KCNT2: variants seen among roughly 807,000 people sequenced by gnomAD.
KCNT2 encodes the protein potassium channel subfamily T member 2.
KCNT2 carries 67 observed loss-of-function variants against 153.8 expected under a neutral mutation model. The observed-to-expected ratio is 0.44, with a 90% CI of 0.36 to 0.53. The LOEUF (loss-of-function observed/expected upper bound fraction) is 0.53, where lower values mean the gene tolerates loss of function less well. Ranked by LOEUF, KCNT2 falls within the 20% of genes least tolerant of loss-of-function variation. The pLI, the probability that KCNT2 is intolerant of heterozygous loss-of-function variation, is 0.00. For synonymous variants in KCNT2, 500 were observed against 458.8 expected (o/e 1.09, Z -1.15); for missense variants, 975 against 1,354.8 (o/e 0.72, Z 4.40).
chr1:196,397,624 T>A (rs1343595612), intron 13 of KCNT2, among the ~76,000 whole-genome samples: 1 of 151,470 alleles, frequency 6.6e-6, no homozygotes. Context: ...GGAAAAAAAG[T>A]GATGACATAA....
At chr1:196,375,074 A>G (rs142224978) in intron 13 of KCNT2, among the ~76,000 whole-genome samples, 21 of 151,920 alleles carry the variant, frequency 1.4e-4, no homozygotes, top group African/African-American at 5.1e-4. Flanking sequence ...TTTTCCTTCA[A>G]TAGTTAAAAA....
At chr1:196,382,587 T>C (rs983915419) in intron 13 of KCNT2, among the ~76,000 whole-genome samples, 19 of 151,950 alleles carry the variant, frequency 1.3e-4, no homozygotes, top group African/African-American at 4.6e-4. Flanking sequence ...AGGTTGCTGA[T>C]AGGGTATGAG....
At chr1:196,508,189 C>CAAAAAAAAAAAAAAAAA (rs10539910) in intron 1 of KCNT2, among the ~76,000 whole-genome samples, 4 of 59,984 alleles carry the variant, frequency 6.7e-5, no homozygotes, top group Non-Finnish European at 9.0e-5. Flanking sequence ...CCCTAAGTAG[C>CAAAAAAAAAAAAAAAAA]AAAAAAAAAA....
intron 16 of KCNT2, among the ~76,000 whole-genome samples, chr1:196,338,152 G>A (rs1665222044): frequency 6.6e-6 from 1 of 152,094 alleles, no homozygotes; most frequent in Non-Finnish European, 1.5e-5. Context: ...TGTTTGGAGG[G>A]AGTGATATTT....
At chr1:196,336,676 T>C (rs115680819) in intron 16 of KCNT2, among the ~76,000 whole-genome samples, 80 of 152,308 alleles carry the variant, frequency 5.3e-4, no homozygotes, top group Non-Finnish European at 1.0e-3. Context: ...CACCACTCCA[T>C]TGAAACAGCT....
intron 8 of KCNT2, among the ~76,000 whole-genome samples, chr1:196,454,675 T>A (rs980435475): frequency 6.6e-6 from 1 of 151,960 alleles, no homozygotes; most frequent in Admixed American, 6.6e-5. Flanking sequence ...ATGGAATTGC[T>A]GGGTTGAATT....
intron 1 of KCNT2, among the ~76,000 whole-genome samples, chr1:196,548,653 G>T (rs1013117880): frequency 6.6e-6 from 1 of 151,992 alleles, no homozygotes; most frequent in African/African-American, 2.4e-5. Context: ...TCCCATTACT[G>T]CATATATACC....
At chr1:196,523,976 G>T (rs1050945206) in intron 1 of KCNT2, among the ~76,000 whole-genome samples, 2 of 151,812 alleles carry the variant, frequency 1.3e-5, no homozygotes, top group Non-Finnish European at 2.9e-5. Flanking sequence ...TTTTTCTCTT[G>T]CACCTGACAC....
At chr1:196,358,932 T>G (rs2148260163) in intron 14 of KCNT2, among the ~76,000 whole-genome samples, 1 of 152,028 alleles carries the variant, frequency 6.6e-6, no homozygotes, top group Non-Finnish European at 1.5e-5. Context: ...AAATGGTAGG[T>G]TTTACCATAT....
At chr1:196,507,438 G>A (rs1424289454) in intron 1 of KCNT2, among the ~76,000 whole-genome samples, 5 of 152,120 alleles carry the variant, frequency 3.3e-5, no homozygotes, top group African/African-American at 1.2e-4. Flanking sequence ...GGCATCCAAA[G>A]GATTTCTGCC....
chr1:196,528,683 G>T (rs1401794609), intron 1 of KCNT2, among the ~76,000 whole-genome samples: 1 of 152,026 alleles, frequency 6.6e-6, no homozygotes, highest in Non-Finnish European at 1.5e-5. Flanking sequence ...CTTCTTGCTG[G>T]CTTATGACTG....
intron 3 of KCNT2, among the ~76,000 whole-genome samples, chr1:196,488,594 C>A (rs1187088718): frequency 6.6e-6 from 1 of 151,928 alleles, no homozygotes; most frequent in Non-Finnish European, 1.5e-5. Context: ...CACTAGTGTA[C>A]TTTTTATTTA....
At chr1:196,229,506 C>A (rs1159015575) in intron 27 of KCNT2, among the ~76,000 whole-genome samples, 1 of 151,992 alleles carries the variant, frequency 6.6e-6, no homozygotes, top group Non-Finnish European at 1.5e-5. Flanking sequence ...TAGTTAATAA[C>A]CCAAAAATGA....
intron 1 of KCNT2, among the ~76,000 whole-genome samples, chr1:196,510,557 G>A (rs1681531604): frequency 6.6e-6 from 1 of 152,062 alleles, no homozygotes; most frequent in African/African-American, 2.4e-5. Flanking sequence ...AAACTTTCTG[G>A]ATACAATTTA....
At chr1:196,317,344 T>C (rs1017011711) in intron 20 of KCNT2, 1 of 399,586 alleles carries the variant, frequency 2.5e-6, no homozygotes, top group Non-Finnish European at 5.1e-6. Flanking sequence ...CCAACCACTA[T>C]GATGACCTTC....
rs1679454023 is a variant in KCNT2 at position 196,486,783 on chromosome 1, A to AC, written c.275+3054dup. 2.6e-5 allele frequency among the ~76,000 whole-genome samples: 4 copies of AC among 151,836 alleles called. 1 individual carries two copies. The South Asian group carries it at 8.3e-4, about 32-fold the overall frequency. On this transcript the variant is annotated intron_variant, in intron 3 of 27. Transcript: ENST00000294725. The stretch of plus-strand genomic sequence containing the variant: ...ATAAAACAGGAGGGTAAATTATACA[A>AC]CCCCCCTGACCATAATATACACTAA...
At chr1:196,343,655 T>C (rs893856539) in intron 14 of KCNT2, among the ~76,000 whole-genome samples, 1 of 152,204 alleles carries the variant, frequency 6.6e-6, no homozygotes, top group Non-Finnish European at 1.5e-5. Context: ...GTATGCCTCA[T>C]TGCTGCCTCA....
intron 8 of KCNT2, among the ~76,000 whole-genome samples, chr1:196,459,222 T>C (rs900780571): frequency 1.3e-5 from 2 of 151,686 alleles, no homozygotes; most frequent in African/African-American, 4.8e-5. Flanking sequence ...ATCATGTCAT[T>C]AGCCATAAAT....
At chr1:196,459,445 T>A (rs1444586227) in intron 8 of KCNT2, among the ~76,000 whole-genome samples, 1 of 151,462 alleles carries the variant, frequency 6.6e-6, no homozygotes, top group Non-Finnish European at 1.5e-5. Flanking sequence ...AAGTTAAACA[T>A]CCTAAACAAT....
Sources: allele counts gnomAD v4.1 joint callset (sites outside exome capture counted in the v4.1 genomes callset), GRCh38; gene constraint gnomAD v4.1.1; transcripts MANE v1.5; gene names NCBI Gene and HGNC (gene_info 2026-07-23, HGNC 2026-07-21).